Variants in ERCC2 observed in about 807,000 individuals in gnomAD.
ERCC2 encodes general transcription and DNA repair factor IIH helicase subunit XPD.
Under a neutral mutation model 99.4 loss-of-function variants are expected in ERCC2, and 90 were observed. The ratio of observed to expected loss-of-function variants is 0.91; its 90% CI spans 0.76 to 1.08. The LOEUF is 1.08. ERCC2 is among the 50% of genes least tolerant of loss of function. The pLI, the probability that ERCC2 is intolerant of heterozygous loss-of-function variation, is 0.00. For synonymous variants in ERCC2, 497 were observed against 432.4 expected (o/e 1.15, Z -1.85); for missense variants, 993 against 1,038.1 (o/e 0.96, Z 0.60).
Position 45,351,170 on chromosome 19 carries a change from TGGGGTAGAGGCGA to T in ERCC2, c.*446_*458del. On this transcript the variant is annotated 3_prime_UTR_variant, in exon 23 of 23. Coordinates refer to ENST00000391945, the MANE Select transcript of ERCC2 (RefSeq NM_000400.4). ...GACAGGAGCAAAGATGGGTTTTACT[TGGGGTAGAGGCGA>T]GGGGGTTGGATAGTTGGCTGCCAGG... 1 of 1,587,314 alleles carries T rather than the reference TGGGGTAGAGGCGA, an allele frequency of 6.3e-7. No individual in the cohort carries two copies. Among genetic ancestry groups the T allele is most frequent in the Non-Finnish European group, 8.6e-7 (1 of 1,166,244 alleles).
rs1971665428 is a variant in ERCC2 at position 45,350,282 on chromosome 19, C to G, written c.*1347G>C. 1.6e-6 allele frequency: 2 copies of G among 1,244,746 alleles called. No individual in the cohort carries two copies. Among genetic ancestry groups the G allele is most frequent in the East Asian group, 2.3e-5 (1 of 42,952 alleles). The allele number at this position is 1,244,746 out of a possible 1,614,324, so 77.1% of individuals were successfully genotyped here. A position where few individuals can be genotyped will look rare whatever the true frequency, so the allele number is the denominator to read the frequency against. ...TACAAAAAAAAAAAAAAAGGCGGGA[C>G]TGGATGCAGTGTTGGGAACTGGGGT... On this transcript the variant is annotated 3_prime_UTR_variant, in exon 23 of 23. Coordinates refer to ENST00000391945, the MANE Select transcript of ERCC2 (RefSeq NM_000400.4).
chr19:45,364,716 AACAGGGAGATGCAG>A, intron 7 of ERCC2, 108 bp downstream of exon 7: 1 of 1,249,150 alleles, frequency 8.0e-7, no homozygotes, highest in South Asian at 1.2e-5. Context: ...GGCACCCACC[AACAGGGAGATGCAG>A]ACAGGCAGAC....
chr19:45,366,599 C>T (rs1417540627), intron 5 of ERCC2, among the ~76,000 whole-genome samples: 1 of 152,182 alleles, frequency 6.6e-6, no homozygotes, highest in Non-Finnish European at 1.5e-5. Context: ...TTACCCCTGA[C>T]CTGCTCTGTA....
intron 15 of ERCC2, 53 bp downstream of exon 15, chr19:45,357,217 G>A: frequency 1.5e-6 from 2 of 1,344,864 alleles, no homozygotes; most frequent in South Asian, 2.4e-5. Context: ...AAGGAGGGCG[G>A]CCCCTTGCCC....
At chr19:45,364,786 G>A in intron 7 of ERCC2, 52 bp downstream of exon 7, 3 of 1,429,608 alleles carry the variant, frequency 2.1e-6, no homozygotes, top group Non-Finnish European at 3.0e-6. Context: ...AGACGGGCGG[G>A]CAGCCCACAC....
Position 45,351,284 on chromosome 19 carries a change from A to G in ERCC2, c.*345T>C. ...CCAACCATCCCCTGTGCCTGTCTCC[A>G]GTTTCCCAGCTGGCACCTGGACAAG... On this transcript the variant is annotated 3_prime_UTR_variant, in exon 23 of 23. Transcript: ENST00000391945. 3.1e-6 allele frequency: 5 copies of G among 1,612,496 alleles called. No individual in the cohort carries two copies. The highest frequency in any genetic ancestry group is 4.2e-6 in the Non-Finnish European group (5 of 1,179,910).
At chr19:45,363,720 C>T (rs1330002337) in intron 11 of ERCC2, 23 bp downstream of exon 11, 39 of 1,525,662 alleles carry the variant, frequency 2.6e-5, no homozygotes, top group Non-Finnish European at 3.4e-5. Context: ...GGCCCCCACC[C>T]CGCGCGCTGT....
At position 45,357,707 on chromosome 19, in the gene ERCC2, G is replaced by C; in HGVS notation, c.1238-8C>G. The stretch of plus-strand genomic sequence containing the variant: ...CGATGATGATGGTGAAGCCTGCAGA[G>C]GGCAGGCAAGGAGGGGTGAGATTAC... On this transcript the variant is annotated splice_region_variant and splice_polypyrimidine_tract_variant and intron_variant, in intron 12 of 22. Coordinates refer to ENST00000391945, the MANE Select transcript of ERCC2 (RefSeq NM_000400.4). The C allele has an allele frequency of 6.2e-7, 1 of 1,612,958 alleles. No homozygotes were observed. Among genetic ancestry groups the C allele is most frequent in the South Asian group, 1.1e-5 (1 of 91,078 alleles).
intron 11 of ERCC2, among the ~76,000 whole-genome samples, chr19:45,363,484 A>T (rs1972297338): frequency 6.6e-6 from 1 of 150,996 alleles, no homozygotes; most frequent in African/African-American, 2.4e-5. Flanking sequence ...TGGTGCTCCC[A>T]CTCTCTCTTG....
At chr19:45,361,437 T>C in intron 12 of ERCC2, 87 bp downstream of exon 12, 1 of 947,754 alleles carries the variant, frequency 1.1e-6, no homozygotes, top group South Asian at 1.3e-5. Context: ...AAGCCCTGTG[T>C]GTCCTGCCAA....
intron 11 of ERCC2, among the ~76,000 whole-genome samples, chr19:45,362,945 T>C (rs527450602): frequency 1.3e-5 from 2 of 152,294 alleles, no homozygotes; most frequent in East Asian, 3.9e-4. Context: ...GATGCTGTAC[T>C]GGGGGTGCAA....
chr19:45,355,722 C>A lies in ERCC2; in HGVS notation c.1486G>T (p.Gly496Cys). The A allele has an allele frequency of 6.2e-7, 1 of 1,613,938 alleles. No individual in the cohort carries two copies. Among genetic ancestry groups the A allele is most frequent in the African/African-American group, 1.3e-5 (1 of 74,966 alleles). The change falls in exon 16 of 23, where the codon GGC (glycine) becomes TGC (cysteine). Residue 496 changes from glycine to cysteine, a missense_variant. Transcript: ENST00000391945. The stretch of plus-strand genomic sequence containing the variant: ...ATGGCCACCTGGTCATTGCCACGGC[C>A]GATGATCTGGAGAGCAACAGAGGTC... Reference protein sequence around the residue: ...ARVCLCPMIIGRGNDQVAISS... With the variant: ...ARVCLCPMIICRGNDQVAISS...
At position 45,368,574 on chromosome 19, in the gene ERCC2, C is replaced by T. The variant is rs78557947; in HGVS notation, c.360+56G>A. ...TGGGGATCCAGGACTTGTGGTTGGA[C>T]GAAAGAGTTTTCTCTACCTCTGGGC... is the stretch of plus-strand genomic sequence containing the variant. On this transcript the variant is annotated intron_variant, in intron 5 of 22. Transcript: ENST00000391945. 2.3e-4 allele frequency: 275 copies of T among 1,202,910 alleles called. No homozygotes were observed. The East Asian group carries it at 5.4e-3, about 24-fold the overall frequency. 74.5% of individuals were successfully genotyped at this position (1,202,910 alleles called of 1,614,324 possible).
At position 45,365,151 on chromosome 19, in the gene ERCC2, G is replaced by A. The variant is rs747619345; in HGVS notation, c.368C>T (p.Pro123Leu). The A allele has an allele frequency of 3.1e-6, 5 of 1,613,818 alleles. No homozygotes were observed. The highest frequency in any genetic ancestry group is 4.2e-6 in the Non-Finnish European group (5 of 1,179,728). ...KNLCIHPEVT[P>L]LRFGKDVDGK... Reference sequence around the variant, plus strand: ...ATCGACGTCCTTCCCAAAGCGCAGGGGTGTCACCTGGGGGTGTGGGGCATC... The same window carrying A: ...ATCGACGTCCTTCCCAAAGCGCAGGAGTGTCACCTGGGGGTGTGGGGCATC... The change falls in exon 6 of 23, where the codon CCC (proline) becomes CTC (leucine). Residue 123 changes from proline to leucine, a missense_variant. Pro to Leu is a moderately conservative substitution (Grantham distance 98). Coordinates refer to ENST00000391945, the MANE Select transcript of ERCC2 (RefSeq NM_000400.4).
At chr19:45,355,519 A>G (rs570068401) in intron 16 of ERCC2, 146 bp downstream of exon 16, 1 of 788,542 alleles carries the variant, frequency 1.3e-6, no homozygotes, top group Non-Finnish European at 2.2e-6. Context: ...ACCAGCTCAC[A>G]GTGGACGTGT....
intron 5 of ERCC2, among the ~76,000 whole-genome samples, chr19:45,366,492 T>C (rs1240590268): frequency 6.6e-6 from 1 of 152,140 alleles, no homozygotes; most frequent in African/African-American, 2.4e-5. Context: ...AGCATATAGG[T>C]TGAAGATAAC....
intron 5 of ERCC2, among the ~76,000 whole-genome samples, chr19:45,365,650 G>T (rs1476189774): frequency 1.3e-5 from 2 of 151,678 alleles, no homozygotes; most frequent in South Asian, 2.1e-4. Context: ...AATGAGCCAG[G>T]TGTGGTGGTG....
rs1261004270 is a variant in ERCC2, at chr19:45,350,773, A to T, written c.*856T>A. On this transcript the variant is annotated 3_prime_UTR_variant, in exon 23 of 23. Transcript: ENST00000391945. The stretch of plus-strand genomic sequence containing the variant: ...GTGAGTGTTGATCAGGTCGGCAAAG[A>T]GCCCTGACATCAGCAGAATCCACAG... 6.3e-7 allele frequency: 1 copy of T among 1,588,160 alleles called. No homozygotes were observed. The highest frequency in any genetic ancestry group is 1.8e-5 in the Admixed American group (1 of 56,426).
chr19:45,353,222 C>A lies in ERCC2; in HGVS notation c.1758+20G>T. On this transcript the variant is annotated intron_variant, in intron 18 of 22. Coordinates refer to ENST00000391945, the MANE Select transcript of ERCC2 (RefSeq NM_000400.4). ...GAGCCACCTCCCCGACCCCTCTCCA[C>A]GCTGGCCTCGCACACCCACCTCCTG... The A allele has an allele frequency of 6.2e-7, 1 of 1,612,862 alleles. No homozygotes were observed. The highest frequency in any genetic ancestry group is 8.5e-7 in the Non-Finnish European group (1 of 1,178,964).
Sources: gnomAD v4.1 joint callset for allele counts (sites outside exome capture counted in the v4.1 genomes callset) on GRCh38, gnomAD v4.1.1 for gene constraint, MANE v1.5 for transcripts, NCBI Gene and HGNC (gene_info 2026-07-23, HGNC 2026-07-21) for gene names.